The following GPC6 variants were observed in gnomAD, a reference collection of about 807,000 sequenced individuals.
GPC6 encodes the protein glypican-6.
GPC6 carries 14 observed loss-of-function variants against 55.2 expected under a neutral mutation model. The observed-to-expected ratio is 0.25, with a 90% CI of 0.17 to 0.40. GPC6 has a LOEUF of 0.40. Among genes scored for constraint, GPC6 ranks in the 10% least tolerant of loss-of-function variants. The pLI is 1.00. For synonymous variants in GPC6, 278 were observed against 259.6 expected (o/e 1.07, Z -0.68); for missense variants, 641 against 708.5 (o/e 0.90, Z 1.08).
intron 2 of GPC6, among the ~76,000 whole-genome samples, chr13:93,765,354 A>G (rs1233030731): frequency 1.8e-5 from 1 of 56,892 alleles, no homozygotes; most frequent in Admixed American, 2.1e-4. Context: ...AATATATGCA[A>G]CCAGATGTTA....
At chr13:93,523,353 A>G (rs1311024102) in intron 1 of GPC6, among the ~76,000 whole-genome samples, 1 of 148,602 alleles carries the variant, frequency 6.7e-6, no homozygotes, top group Non-Finnish European at 1.5e-5. Flanking sequence ...ATGTATATAA[A>G]CACATGTATA....
chr13:94,360,923 G>A (rs1879031332), intron 6 of GPC6, among the ~76,000 whole-genome samples: 1 of 152,176 alleles, frequency 6.6e-6, no homozygotes, highest in Non-Finnish European at 1.5e-5. Flanking sequence ...ACTCTTCACT[G>A]CCTCAGTGTG....
intron 1 of GPC6, among the ~76,000 whole-genome samples, chr13:93,440,265 CA>C (rs1877737805): frequency 6.6e-6 from 1 of 152,200 alleles, no homozygotes; most frequent in South Asian, 2.1e-4. Flanking sequence ...AACTCCCTGT[CA>C]CAAGTTGGGC....
At position 93,952,864 on chromosome 13, in the gene GPC6, G is replaced by A. The variant is rs561526181; in HGVS notation, c.712-74865G>A. On this transcript the variant is annotated intron_variant, in intron 3 of 8. Transcript: ENST00000377047. The stretch of plus-strand genomic sequence containing the variant: ...CACACATATATATACGTATATATAT[G>A]TATATATATACATATATATATGTGT... 5.1e-3 allele frequency among the ~76,000 whole-genome samples: 546 copies of A among 106,980 alleles called. 5 individuals carry two copies. Among genetic ancestry groups the A allele is most frequent in the African/African-American group, 0.015 (518 of 33,818 alleles). 70.2% of individuals were successfully genotyped at this position (106,980 alleles called of 152,430 possible). A position where few individuals can be genotyped will look rare whatever the true frequency, so the allele number is the denominator to read the frequency against.
At chr13:94,068,856 C>T (rs182783660) in intron 4 of GPC6, among the ~76,000 whole-genome samples, 278 of 152,290 alleles carry the variant, frequency 1.8e-3, no homozygotes, top group African/African-American at 6.2e-3. Context: ...TTGCAGGGTA[C>T]GGCCTCCCTC....
chr13:93,836,957 C>G (rs911039004), intron 3 of GPC6, among the ~76,000 whole-genome samples: 2 of 152,088 alleles, frequency 1.3e-5, no homozygotes, highest in African/African-American at 4.8e-5. Flanking sequence ...GTTGAGTCTC[C>G]AGCAGTAAGA....
At chr13:93,391,507 C>T (rs1195814081) in intron 1 of GPC6, among the ~76,000 whole-genome samples, 1 of 152,136 alleles carries the variant, frequency 6.6e-6, no homozygotes, top group Non-Finnish European at 1.5e-5. Flanking sequence ...AATGGAAAGA[C>T]CTTTCAGGAG....
intron 1 of GPC6, among the ~76,000 whole-genome samples, chr13:93,410,643 T>C (rs1340830309): frequency 6.6e-6 from 1 of 152,192 alleles, no homozygotes; most frequent in Non-Finnish European, 1.5e-5. Flanking sequence ...TACTATATAA[T>C]AAATGGGCCT....
At chr13:93,237,242 G>T (rs1282357411) in intron 1 of GPC6, among the ~76,000 whole-genome samples, 2 of 151,904 alleles carry the variant, frequency 1.3e-5, no homozygotes, top group Non-Finnish European at 1.5e-5. Flanking sequence ...ATTGTTTTTT[G>T]ATTTTTTAAA....
intron 2 of GPC6, among the ~76,000 whole-genome samples, chr13:93,604,308 C>T (rs1487564037): frequency 6.6e-6 from 1 of 152,268 alleles, no homozygotes; most frequent in East Asian, 1.9e-4. Flanking sequence ...TTCACTCATT[C>T]GACAGATAGC....
In GPC6 at chr13:93,789,620, T is replaced by TAATACTAC. The variant is rs1885958697; in HGVS notation, c.320-40533_320-40532insATACTACA. On this transcript the variant is annotated intron_variant, in intron 2 of 8. Transcript: ENST00000377047. ...CTACATATATATATATATATATATA[T>TAATACTAC]ATATATATATATATATATATATATA... Among the ~76,000 whole-genome samples, 3 of 100,734 alleles carry TAATACTAC rather than the reference T, an allele frequency of 3.0e-5. 1 individual carries two copies. Among genetic ancestry groups the TAATACTAC allele is most frequent in the Non-Finnish European group, 5.9e-5 (3 of 51,152 alleles). 66.1% of individuals were successfully genotyped at this position (100,734 alleles called of 152,430 possible).
intron 1 of GPC6, among the ~76,000 whole-genome samples, chr13:93,255,519 G>GT (rs906052463): frequency 3.9e-5 from 6 of 152,040 alleles, no homozygotes; most frequent in Admixed American, 2.6e-4. Context: ...AAGTGTTTGG[G>GT]TTTTTTTCCC....
At chr13:93,887,198 G>T (rs772900248) in intron 3 of GPC6, among the ~76,000 whole-genome samples, 2 of 151,996 alleles carry the variant, frequency 1.3e-5, no homozygotes, top group African/African-American at 2.4e-5. Flanking sequence ...GTCATTAAAT[G>T]TAATAATATT....
chr13:93,216,763 G>T, the GPC6 span, among the ~76,000 whole-genome samples: 1 of 152,090 alleles, frequency 6.6e-6, no homozygotes, highest in Admixed American at 6.5e-5. Flanking sequence ...AGGTATGTCT[G>T]AAAAAATTCT....
chr13:93,316,603 C>G (rs1048535512), intron 1 of GPC6, among the ~76,000 whole-genome samples: 6 of 151,890 alleles, frequency 4.0e-5, no homozygotes, highest in African/African-American at 1.4e-4. Context: ...GCTTTTAAAC[C>G]GAATAATTTC....
At chr13:94,205,426 A>C (rs910964417) in intron 4 of GPC6, among the ~76,000 whole-genome samples, 1 of 152,182 alleles carries the variant, frequency 6.6e-6, no homozygotes, top group Admixed American at 6.5e-5. Flanking sequence ...TTTGATGTTT[A>C]TCTTGTTTAA....
chr13:93,493,114 T>A (rs1880097943), intron 1 of GPC6, among the ~76,000 whole-genome samples: 1 of 83,514 alleles, frequency 1.2e-5, no homozygotes, highest in African/African-American at 4.8e-5. Flanking sequence ...TTCCTCCTTG[T>A]ACCTCTGGTA....
At chr13:94,216,566 A>G (rs1189159631) in intron 4 of GPC6, among the ~76,000 whole-genome samples, 2 of 152,222 alleles carry the variant, frequency 1.3e-5, no homozygotes, top group Non-Finnish European at 2.9e-5. Context: ...GACACATAGA[A>G]GACTTCCAAG....
chr13:93,589,454 C>T (rs1444683451), intron 2 of GPC6, among the ~76,000 whole-genome samples: 1 of 152,200 alleles, frequency 6.6e-6, no homozygotes, highest in African/African-American at 2.4e-5. Flanking sequence ...AACCAATTTA[C>T]TTGCTATAAA....
Sources: allele counts gnomAD v4.1 joint callset (sites outside exome capture counted in the v4.1 genomes callset), GRCh38; gene constraint gnomAD v4.1.1; transcripts MANE v1.5; gene names NCBI Gene and HGNC (gene_info 2026-07-23, HGNC 2026-07-21).